The following PGAP2 variants were observed in gnomAD, a reference collection of about 807,000 sequenced individuals.
PGAP2 encodes the protein post-GPI attachment to proteins 2, also known as acyltransferase PGAP2.
Under a neutral mutation model 33.2 loss-of-function variants are expected in PGAP2, and 21 were observed. The ratio of observed to expected loss-of-function variants is 0.63; its 90% CI spans 0.45 to 0.91. The LOEUF (loss-of-function observed/expected upper bound fraction) is 0.91. Among genes scored for constraint, PGAP2 ranks in the 40% least tolerant of loss-of-function variants. The pLI, the probability that PGAP2 is intolerant of heterozygous loss-of-function variation, is 0.00. For synonymous variants in PGAP2, 161 were observed against 172.9 expected, an observed-to-expected ratio of 0.93 and a Z score of 0.54; for missense variants, 345 against 424.0, an observed-to-expected ratio of 0.81 and a Z score of 1.64.
At chr11:3,805,670 A>G (rs983370821), upstream of PGAP2, among the ~76,000 whole-genome samples, 7 of 149,832 alleles carry the variant, frequency 4.7e-5, no homozygotes, top group Non-Finnish European at 1.0e-4. Flanking sequence ...GGAGTTCAAG[A>G]CCAGCCTGGG....
intron 1 of PGAP2, among the ~76,000 whole-genome samples, chr11:3,800,132 C>G (rs2083242122): frequency 6.6e-6 from 1 of 152,200 alleles, no homozygotes; most frequent in South Asian, 2.1e-4. Flanking sequence ...CCATCTTCCC[C>G]CAACTCCTCC....
chr11:3,807,027 A>G (rs1262908010), upstream of PGAP2, among the ~76,000 whole-genome samples: 1 of 149,160 alleles, frequency 6.7e-6, no homozygotes, highest in African/African-American at 2.5e-5. Flanking sequence ...TCTCCAAAAA[A>G]AAAGAGAGAA....
intron 3 of PGAP2, 96 bp from the exon 4 acceptor site, chr11:3,823,787 A>G (rs1158989895): frequency 6.3e-7 from 1 of 1,598,808 alleles, no homozygotes; most frequent in East Asian, 2.2e-5. Flanking sequence ...GAGGGGCTGG[A>G]GCAGAGGCAA....
At chr11:3,802,886 G>A (rs1651784698) in intron 1 of PGAP2, among the ~76,000 whole-genome samples, 1 of 149,552 alleles carries the variant, frequency 6.7e-6, no homozygotes, top group East Asian at 2.0e-4. Flanking sequence ...GAGTGCAGTG[G>A]CACCATCTCG....
chr11:3,803,797 A>ATATT (rs1554916392), upstream of PGAP2, among the ~76,000 whole-genome samples: 14 of 144,844 alleles, frequency 9.7e-5, no homozygotes, highest in East Asian at 2.0e-4. Context: ...ATATATATAT[A>ATATT]TTTTTTTTTT....
At chr11:3,820,149 G>A (rs1041662230) in intron 3 of PGAP2, among the ~76,000 whole-genome samples, 1 of 152,116 alleles carries the variant, frequency 6.6e-6, no homozygotes, top group African/African-American at 2.4e-5. Flanking sequence ...AATATTCCAG[G>A]AAGCAGAGGC....
rs564968388 is a variant in PGAP2, at chr11:3,813,712, G to C, written c.165+2288G>C. Among the ~76,000 whole-genome samples, 4 of 152,234 alleles carry C rather than the reference G, an allele frequency of 2.6e-5. No individual in the cohort carries two copies. In the South Asian group the frequency reaches 8.3e-4, roughly 32 times the overall value. On this transcript the variant is annotated intron_variant, in intron 2 of 6. Transcript: ENST00000278243. ...AAGTGTTGGTTGAATAAATGATTAA[G>C]ACTCCCTAGCCCAGTGCCCTGGGGA...
intron 1 of PGAP2, among the ~76,000 whole-genome samples, chr11:3,800,710 G>T (rs189406201): frequency 3.3e-5 from 5 of 151,546 alleles, no homozygotes; most frequent in African/African-American, 9.7e-5. Flanking sequence ...TACTTGGGAG[G>T]CTGAGGCAGG....
At chr11:3,797,725 G>C, upstream of PGAP2, 1 of 1,143,858 alleles carries the variant, frequency 8.7e-7, no homozygotes, top group Non-Finnish European at 1.2e-6. Flanking sequence ...GGGGCAGAAG[G>C]AGTTCGGGGA....
In PGAP2 at chr11:3,811,474, CT is replaced by C; in HGVS notation, c.165+53del. 1 of 1,524,212 alleles carries C rather than the reference CT, an allele frequency of 6.6e-7. No individual in the cohort carries two copies. Among genetic ancestry groups the C allele is most frequent in the Non-Finnish European group, 9.0e-7 (1 of 1,113,684 alleles). 94.4% of individuals were successfully genotyped at this position (1,524,212 alleles called of 1,614,324 possible). A position where few individuals can be genotyped will look rare whatever the true frequency, so the allele number is the denominator to read the frequency against. On this transcript the variant is annotated intron_variant, in intron 2 of 6. Coordinates refer to ENST00000278243, the MANE Select transcript of PGAP2 (RefSeq NM_014489.4). The surrounding 1 kb of genome is among the most constrained non-coding windows in gnomAD (Gnocchi z 4.6). ...TCATATTCAGGCCGATCTGGATCTT[CT>C]TTAGATCTTGAATATCTTTTAACAA...
At position 3,825,107 on chromosome 11, in the gene PGAP2, A is replaced by G. The variant is rs374519074; in HGVS notation, c.796A>G (p.Asn266Asp). The G allele has an allele frequency of 1.2e-6, 2 of 1,614,180 alleles. No homozygotes were observed. The highest frequency in any genetic ancestry group is 1.7e-6 in the Non-Finnish European group (2 of 1,180,024). Reference protein sequence around the residue: ...FSALAVYFRHNMYCEAGVYTI... With the variant: ...FSALAVYFRHDMYCEAGVYTI... ...GGCGCTGGCTGTCTACTTTCGGCAC[A>G]ACATGTATTGTGAGGCTGGAGGTGA... Residue 266 changes from asparagine to aspartate, a missense_variant, in exon 6 of 7, where the codon AAC becomes GAC. Asn to Asp is a conservative substitution (Grantham distance 23). This residue lies in a region of PGAP2 where 311 missense variants were observed against 353.6 expected (regional missense o/e 0.88). Transcript: ENST00000278243.
rs761956517 is a variant in PGAP2 at position 3,823,942 on chromosome 11, C to T, written c.408C>T (p.Tyr136=). 34 of 1,606,122 alleles carry T rather than the reference C, an allele frequency of 2.1e-5. No individual in the cohort carries two copies. The highest frequency in any genetic ancestry group is 1.5e-4 in the African/African-American group (11 of 74,856). The change falls in exon 4 of 7, where the codon TAC becomes TAT. Residue 136 remains tyrosine, a synonymous_variant. Transcript: ENST00000278243. ...TCGGCGGGGAGGTGCCCCAGCGCTACGTGTGGCGTTTCTGCATCGGCCTGC... is the reference window on the plus strand; with the variant it reads ...TCGGCGGGGAGGTGCCCCAGCGCTATGTGTGGCGTTTCTGCATCGGCCTGC... ...SAIGGEVPQR[Y]VWRFCIGLHS... is the part of the protein sequence containing the mutation.
upstream of PGAP2, chr11:3,807,960 C>T: frequency 1.0e-6 from 1 of 978,166 alleles, no homozygotes; most frequent in Non-Finnish European, 1.3e-6. Context: ...GTGGGGAGAC[C>T]CAAGGCTGGT....
upstream of PGAP2, among the ~76,000 whole-genome samples, chr11:3,806,225 A>G (rs1224673184): frequency 2.6e-5 from 4 of 151,990 alleles, no homozygotes; most frequent in Non-Finnish European, 5.9e-5. Context: ...AGGGAACAAT[A>G]GCCAGGAGCA....
chr11:3,824,754 G>T, intron 5 of PGAP2: 1 of 1,381,248 alleles, frequency 7.2e-7, no homozygotes, highest in South Asian at 1.6e-5. Context: ...GGTGGGGTTG[G>T]TGGGTGACTC....
chr11:3,826,030 G>T lies in PGAP2; in HGVS notation c.*572G>T, dbSNP rs558824375. 6.5e-6 allele frequency: 1 copy of T among 153,940 alleles called. No individual in the cohort carries two copies. Among genetic ancestry groups the T allele is most frequent in the East Asian group, 1.9e-4 (1 of 5,188 alleles). The allele number at this position is 153,940 out of a possible 1,614,324, so 9.5% of individuals were successfully genotyped here. A position where few individuals can be genotyped will look rare whatever the true frequency, so the allele number is the denominator to read the frequency against. On this transcript the variant is annotated 3_prime_UTR_variant, in exon 7 of 7. Coordinates refer to ENST00000278243, the MANE Select transcript of PGAP2 (RefSeq NM_014489.4). ...GAGCCTCGGTGTGTCCATGTGTCTG[G>T]CGGGGGATGGGTGGACTGTATGATT...
At chr11:3,800,779 T>C (rs564216799) in intron 1 of PGAP2, among the ~76,000 whole-genome samples, 31 of 137,522 alleles carry the variant, frequency 2.3e-4, no homozygotes, top group Admixed American at 6.2e-4. Context: ...GCCACTGCAC[T>C]CGATCCTGGG....
chr11:3,807,193 T>G (rs1283952186), upstream of PGAP2, among the ~76,000 whole-genome samples: 1 of 143,892 alleles, frequency 6.9e-6, no homozygotes, highest in East Asian at 2.2e-4. Flanking sequence ...AAAAATTAGC[T>G]GGGCGCAGTA....
At chr11:3,812,069 C>CT (rs1409866622) in intron 2 of PGAP2, among the ~76,000 whole-genome samples, 1 of 151,860 alleles carries the variant, frequency 6.6e-6, no homozygotes, top group Non-Finnish European at 1.5e-5. Context: ...CCCGTGGCCT[C>CT]TAAGATTCCA....
Sources: gnomAD v4.1 joint callset for allele counts (sites outside exome capture counted in the v4.1 genomes callset) on GRCh38, gnomAD v4.1.1 for gene constraint, gnomAD v4.1.1 regional missense constraint, Gnocchi (gnomAD v3.1) non-coding constraint, MANE v1.5 for transcripts, NCBI Gene and HGNC (gene_info 2026-07-23, HGNC 2026-07-21) for gene names.